The following CCDC73 variants were observed in gnomAD, a reference collection of about 807,000 sequenced individuals.
CCDC73 encodes coiled-coil domain containing 73.
Under a neutral mutation model 116.5 loss-of-function variants are expected in CCDC73, and 95 were observed. The ratio of observed to expected loss-of-function variants is 0.82; its 90% CI spans 0.69 to 0.97. CCDC73 has a LOEUF of 0.97. CCDC73 is among the 50% of genes least tolerant of loss of function. The pLI is 0.00. For missense variants in CCDC73, 1,066 were observed against 1,206.8 expected (o/e 0.88, Z 1.73); for synonymous variants, 398 against 401.3 (o/e 0.99, Z 0.10).
At chr11:32,718,055 A>G (rs752378001) in intron 3 of CCDC73, 21 bp downstream of exon 3, 1 of 1,551,998 alleles carries the variant, frequency 6.4e-7, no homozygotes, top group South Asian at 1.2e-5. Flanking sequence ...TGGGGACACA[A>G]AGCCTAATCA....
intron 14 of CCDC73, among the ~76,000 whole-genome samples, chr11:32,633,260 GACAA>G (rs962685869): frequency 6.6e-6 from 1 of 151,664 alleles, no homozygotes; most frequent in Non-Finnish European, 1.5e-5. Flanking sequence ...AAATGATCAA[GACAA>G]ACAGAGAGCG....
intron 14 of CCDC73, among the ~76,000 whole-genome samples, chr11:32,618,533 TG>T (rs1855494338): frequency 6.6e-6 from 1 of 152,148 alleles, no homozygotes; most frequent in Non-Finnish European, 1.5e-5. Context: ...TGGCATCTGT[TG>T]TTTTTGACCT....
chr11:32,624,395 A>G (rs978068973), intron 14 of CCDC73, among the ~76,000 whole-genome samples: 1 of 152,156 alleles, frequency 6.6e-6, no homozygotes, highest in Admixed American at 6.6e-5. Flanking sequence ...TCTTTGACCC[A>G]GCAATACCAT....
At chr11:32,754,034 G>A (rs1163425390) in intron 2 of CCDC73, among the ~76,000 whole-genome samples, 2 of 152,172 alleles carry the variant, frequency 1.3e-5, no homozygotes, top group Non-Finnish European at 2.9e-5. Flanking sequence ...CTGCAACTAT[G>A]TCACATTTTA....
At chr11:32,666,533 A>T (rs946385044) in intron 9 of CCDC73, among the ~76,000 whole-genome samples, 9 of 152,018 alleles carry the variant, frequency 5.9e-5, no homozygotes, top group Admixed American at 5.9e-4. Context: ...GACTTTTCTA[A>T]ACTGGTTATT....
intron 2 of CCDC73, among the ~76,000 whole-genome samples, chr11:32,748,109 G>A (rs940554022): frequency 2.0e-5 from 3 of 152,158 alleles, no homozygotes; most frequent in Non-Finnish European, 2.9e-5. Context: ...TCTTATTGGA[G>A]AATTTAGTCC....
In CCDC73 at chr11:32,780,077, G is replaced by A. The variant is rs190932257; in HGVS notation, c.-16+14536C>T. ...TCACTTGAGGCCAGGAGTTCGAAAC[G>A]AACCTGGTCAACATGGTGAAACCCC... On this transcript the variant is annotated intron_variant, in intron 1 of 17. Transcript: ENST00000335185. 3.0e-4 allele frequency among the ~76,000 whole-genome samples: 45 copies of A among 151,930 alleles called. No individual in the cohort carries two copies. In the East Asian group the frequency reaches 7.8e-3, roughly 26 times the overall value.
At chr11:32,766,120 G>A (rs1168853658) in intron 1 of CCDC73, among the ~76,000 whole-genome samples, 1 of 152,106 alleles carries the variant, frequency 6.6e-6, no homozygotes, top group East Asian at 1.9e-4. Context: ...TGATCAAGTG[G>A]GCTTCATCCC....
intron 1 of CCDC73, among the ~76,000 whole-genome samples, chr11:32,786,220 T>C (rs1257376435): frequency 6.6e-6 from 1 of 151,630 alleles, no homozygotes; most frequent in Non-Finnish European, 1.5e-5. Context: ...GGGTTGCCAT[T>C]AAGAAATGCT....
chr11:32,764,133 C>G (rs1282802197), intron 1 of CCDC73, among the ~76,000 whole-genome samples: 1 of 152,146 alleles, frequency 6.6e-6, no homozygotes, highest in Non-Finnish European at 1.5e-5. Context: ...AAATCTATGT[C>G]TGATTGGTGT....
At chr11:32,637,026 T>TC (rs1206313566) in intron 13 of CCDC73, among the ~76,000 whole-genome samples, 3 of 142,874 alleles carry the variant, frequency 2.1e-5, no homozygotes, top group Non-Finnish European at 4.6e-5. Flanking sequence ...TCTTTTTTTT[T>TC]TTTTTTTTTT....
chr11:32,765,624 G>A (rs1850433852), intron 1 of CCDC73, among the ~76,000 whole-genome samples: 1 of 152,126 alleles, frequency 6.6e-6, no homozygotes, highest in Admixed American at 6.6e-5. Flanking sequence ...GTGTGTAAAG[G>A]GAAATTTATA....
the CCDC73 span, among the ~76,000 whole-genome samples, chr11:32,827,487 A>G: frequency 2.0e-5 from 3 of 152,250 alleles, no homozygotes; most frequent in African/African-American, 7.2e-5. Context: ...ACAAGGCCTC[A>G]TTTGTTTTGG....
upstream of CCDC73, among the ~76,000 whole-genome samples, chr11:32,797,523 C>G (rs1378840092): frequency 6.6e-6 from 1 of 152,170 alleles, no homozygotes; most frequent in African/African-American, 2.4e-5. Flanking sequence ...ATTTCATCAA[C>G]TCTCCACTCC....
At chr11:32,688,206 G>T (rs1164626562) in intron 6 of CCDC73, among the ~76,000 whole-genome samples, 1 of 152,048 alleles carries the variant, frequency 6.6e-6, no homozygotes, top group Admixed American at 6.6e-5. Flanking sequence ...AGTGAACATC[G>T]CCAATAATAA....
At chr11:32,670,794 T>C (rs1281782867) in intron 9 of CCDC73, among the ~76,000 whole-genome samples, 1 of 152,164 alleles carries the variant, frequency 6.6e-6, no homozygotes, top group African/African-American at 2.4e-5. Flanking sequence ...TAGGAGATAC[T>C]CTAAAATGCA....
chr11:32,776,972 C>T (rs796160310), intron 1 of CCDC73, among the ~76,000 whole-genome samples: 136 of 79,836 alleles, frequency 1.7e-3, no homozygotes, highest in Admixed American at 3.3e-3. Context: ...CACACACACA[C>T]ATATATATAT....
chr11:32,737,545 G>C lies in CCDC73; in HGVS notation c.136-19398C>G, dbSNP rs548747362. On this transcript the variant is annotated intron_variant, in intron 2 of 17. Coordinates refer to ENST00000335185, the MANE Select transcript of CCDC73 (RefSeq NM_001008391.4). The stretch of plus-strand genomic sequence containing the variant: ...AGGCACGAGAATCACTTGAATCTGG[G>C]AGGCAGAGGTTGCCTGGAGCCAAGA... Among the ~76,000 whole-genome samples the C allele has an allele frequency of 2.6e-5, 4 of 151,496 alleles. No homozygotes were observed. In the South Asian group the frequency reaches 8.3e-4, roughly 32 times the overall value.
At chr11:32,644,074 C>G (rs182140581) in intron 12 of CCDC73, among the ~76,000 whole-genome samples, 1 of 151,936 alleles carries the variant, frequency 6.6e-6, no homozygotes, top group Non-Finnish European at 1.5e-5. Flanking sequence ...AGCAAAGGCA[C>G]AGAATCAACA....
Sources: allele counts gnomAD v4.1 joint callset (sites outside exome capture counted in the v4.1 genomes callset), GRCh38; gene constraint gnomAD v4.1.1; transcripts MANE v1.5; gene names NCBI Gene and HGNC (gene_info 2026-07-23, HGNC 2026-07-21).